Variants in MZT2A observed in about 807,000 individuals in gnomAD.
MZT2A encodes the protein mitotic-spindle organizing protein 2A.
Under a neutral mutation model 12.4 loss-of-function variants are expected in MZT2A, and 8 were observed. The ratio of observed to expected loss-of-function variants is 0.64; its 90% CI spans 0.38 to 1.16. The LOEUF (loss-of-function observed/expected upper bound fraction) is 1.16. Ranked by LOEUF, MZT2A falls within the 50% of genes most tolerant of loss-of-function variation. MZT2A has a pLI of 0.01. For missense variants in MZT2A, 181 were observed against 223.6 expected (o/e 0.81, Z 1.22); for synonymous variants, 88 against 107.5 (o/e 0.82, Z 1.12).
At chr2:131,471,362 G>C (rs1394075028) in intron 3 of MZT2A, among the ~76,000 whole-genome samples, 1 of 138,178 alleles carries the variant, frequency 7.2e-6, no homozygotes, top group Non-Finnish European at 1.5e-5. Flanking sequence ...GTGTATAAAT[G>C]AATGTATTTT....
Position 131,490,239 on chromosome 2 carries a change from A to T in MZT2A, c.319+1637T>A, listed in dbSNP as rs1679233147. The T allele has an allele frequency of 8.1e-6, 7 of 869,236 alleles. 1 individual carries two copies. The South Asian group carries it at 3.1e-4, about 39-fold the overall frequency. 53.8% of individuals were successfully genotyped at this position (869,236 alleles called of 1,614,324 possible). ...GGCGGGCAAGGGGGCTGAGTGCTGG[A>T]GTGTGGCCATGGGACCAGCACATGG... On this transcript the variant is annotated intron_variant, in intron 2 of 2. Coordinates refer to ENST00000309451, the MANE Select transcript of MZT2A (RefSeq NM_001085365.2).
chr2:131,483,460 C>T (rs752187404), downstream of MZT2A, among the ~76,000 whole-genome samples: 2 of 152,136 alleles, frequency 1.3e-5, no homozygotes, highest in Non-Finnish European at 2.9e-5. Context: ...CAACCCTGTC[C>T]CTCAGCACTG....
chr2:131,475,679 A>G (rs555544267), intron 2 of MZT2A, among the ~76,000 whole-genome samples: 25 of 152,118 alleles, frequency 1.6e-4, no homozygotes, highest in African/African-American at 2.4e-4. Flanking sequence ...GCCACTTCCC[A>G]GGTGCTGGGT....
At chr2:131,470,429 A>G in intron 3 of MZT2A, 1 of 1,137,896 alleles carries the variant, frequency 8.8e-7, no homozygotes, top group Non-Finnish European at 1.1e-6. Context: ...TTAAAGAGTT[A>G]CAAGTGACAG....
rs368959769 is a variant in MZT2A at position 131,484,156 on chromosome 2, C to T, written c.382G>A (p.Glu128Lys). Residue 128 changes from glutamate (E) to lysine (K), a missense_variant, in exon 3 of 3, where the codon GAG (glutamate) becomes AAG (lysine). Transcript: ENST00000309451. ...VLALAERSNHEGSSQRMPRQP... is the reference protein window; with the variant it reads ...VLALAERSNHKGSSQRMPRQP... ...CGTGGCATCCTCTGGCTGGATCCCT[C>T]GTGGTTGCTGCGTTCCGCCAGGGCC... 68 of 1,614,008 alleles carry T rather than the reference C, an allele frequency of 4.2e-5. No individual in the cohort carries two copies. Among genetic ancestry groups the T allele is most frequent in the African/African-American group, 2.8e-4 (21 of 74,932 alleles).
intron 2 of MZT2A, chr2:131,478,500 A>T (rs1179184275): frequency 1.5e-6 from 2 of 1,366,022 alleles, no homozygotes; most frequent in African/African-American, 2.9e-5. Flanking sequence ...AGACAGGCAT[A>T]TGCCCATGGC....
At chr2:131,488,888 G>A (rs183947776) in intron 2 of MZT2A, among the ~76,000 whole-genome samples, 10 of 152,168 alleles carry the variant, frequency 6.6e-5, no homozygotes, top group African/African-American at 7.2e-5. Context: ...TCCTGTCCTC[G>A]GGTAAATTCT....
chr2:131,493,532 T>G (rs1679433780), upstream of MZT2A, among the ~76,000 whole-genome samples: 1 of 152,126 alleles, frequency 6.6e-6, no homozygotes, highest in South Asian at 2.1e-4. Flanking sequence ...TCTCCGAGCC[T>G]TGGTTTCGGA....
At chr2:131,493,067 G>A, upstream of MZT2A, 1 of 1,494,854 alleles carries the variant, frequency 6.7e-7, no homozygotes, top group Non-Finnish European at 9.0e-7. Context: ...CGCGCAGCTT[G>A]ATGACGACGT....
At chr2:131,486,998 G>T (rs1332540396) in intron 2 of MZT2A, among the ~76,000 whole-genome samples, 1 of 152,176 alleles carries the variant, frequency 6.6e-6, no homozygotes, top group Admixed American at 6.5e-5. Flanking sequence ...CTTGCAGTGG[G>T]GAAACCAGCT....
intron 2 of MZT2A, among the ~76,000 whole-genome samples, chr2:131,475,189 C>G (rs1678615818): frequency 6.6e-6 from 1 of 152,074 alleles, no homozygotes; most frequent in African/African-American, 2.4e-5. Context: ...CCACGTTGCC[C>G]AGGCTGGTCT....
chr2:131,492,540 C>A, upstream of MZT2A: 1 of 1,127,224 alleles, frequency 8.9e-7, no homozygotes, highest in South Asian at 3.7e-5. Flanking sequence ...TGGAGCCCAA[C>A]AGTTAGTGGG....
intron 2 of MZT2A, chr2:131,486,513 G>T (rs977448181): frequency 1.3e-5 from 2 of 152,664 alleles, no homozygotes; most frequent in African/African-American, 4.8e-5. Flanking sequence ...CCTTCAGTTT[G>T]CCGCCATCTG....
rs137878337 is a variant in MZT2A, at chr2:131,471,988, T to G, written c.393+80A>C. 9,836 of 1,216,948 alleles carry G rather than the reference T, an allele frequency of 8.1e-3. 221 individuals carry two copies. Among genetic ancestry groups the G allele is most frequent in the African/African-American group, 0.055 (3,241 of 58,714 alleles). The allele number at this position is 1,216,948 out of a possible 1,614,324, so 75.4% of individuals were successfully genotyped here. ...ATGAGCAGGAGTCCCAAGGAGGTCTTTAAACATCTGTATGAACAGAATCTT... is the reference window on the plus strand; with the variant it reads ...ATGAGCAGGAGTCCCAAGGAGGTCTGTAAACATCTGTATGAACAGAATCTT... On this transcript the variant is annotated intron_variant and NMD_transcript_variant, in intron 3 of 4. Coordinates refer to the MZT2A transcript ENST00000427024.
intron 2 of MZT2A, chr2:131,478,537 C>T (rs71428589): frequency 2.7e-5 from 38 of 1,402,316 alleles, no homozygotes; most frequent in African/African-American, 1.7e-4. Context: ...CTGAAAGGTT[C>T]GTGATCAAAG....
chr2:131,493,141 G>C (rs541891138), upstream of MZT2A: 68 of 1,458,006 alleles, frequency 4.7e-5, no homozygotes, highest in African/African-American at 9.0e-4. Context: ...GGTCCCACAG[G>C]TGAGTGGCGC....
chr2:131,483,102 T>C (rs1005397689), downstream of MZT2A, among the ~76,000 whole-genome samples: 2 of 151,952 alleles, frequency 1.3e-5, no homozygotes, highest in Admixed American at 6.6e-5. Flanking sequence ...CAGGGGAAAA[T>C]AGTGTTTCTT....
downstream of MZT2A, among the ~76,000 whole-genome samples, chr2:131,482,101 T>C (rs1347846483): frequency 2.6e-5 from 4 of 152,248 alleles, no homozygotes; most frequent in Admixed American, 2.6e-4. Flanking sequence ...CTGCTACCTT[T>C]GCATATCCAC....
At chr2:131,484,998 T>C (rs573134587) in intron 2 of MZT2A, among the ~76,000 whole-genome samples, 13 of 152,338 alleles carry the variant, frequency 8.5e-5, no homozygotes, top group Middle Eastern at 3.4e-3. Flanking sequence ...ATGGGATGCA[T>C]TTCCCTGGGC....
Sources: gnomAD v4.1 joint callset for allele counts (sites outside exome capture counted in the v4.1 genomes callset) on GRCh38, gnomAD v4.1.1 for gene constraint, MANE v1.5 for transcripts, NCBI Gene and HGNC (gene_info 2026-07-23, HGNC 2026-07-21) for gene names.